TBR1: variants seen among roughly 807,000 people sequenced by gnomAD.
TBR1 encodes T-box brain transcription factor 1.
TBR1 carries 7 observed loss-of-function variants against 60.3 expected under a neutral mutation model. The ratio of observed to expected loss-of-function variants is 0.12; its 90% CI spans 0.07 to 0.22. The LOEUF (loss-of-function observed/expected upper bound fraction) is 0.22. Among genes scored for constraint, TBR1 ranks in the 10% least tolerant of loss-of-function variants. The pLI is 1.00. For synonymous variants in TBR1, 417 were observed against 409.9 expected (o/e 1.02, Z -0.21); for missense variants, 616 against 936.8 (o/e 0.66, Z 4.47).
rs964796945 is a variant in TBR1 at position 161,418,092 on chromosome 2, GTGTA to G, written c.848-105_848-102del. The stretch of plus-strand genomic sequence containing the variant: ...TGGGCTTCATGGTGGAGTAAGGTGT[GTGTA>G]TGTGTGTGTGTGTGTGTGTGTGTGT... On this transcript the variant is annotated intron_variant, in intron 2 of 5. Transcript: ENST00000389554. The G allele has an allele frequency of 2.4e-5, 34 of 1,436,766 alleles. No individual in the cohort carries two copies. In the African/African-American group the frequency reaches 4.7e-4, roughly 20 times the overall value. The allele number at this position is 1,436,766 out of a possible 1,614,324, so 89.0% of individuals were successfully genotyped here. A position where few individuals can be genotyped will look rare whatever the true frequency, so the allele number is the denominator to read the frequency against.
In TBR1 at chr2:161,423,854, G is replaced by A; in HGVS notation, c.1676G>A (p.Gly559Asp). Residue 559 changes from glycine to aspartate, a missense_variant, in exon 6 of 6, where the codon GGC becomes GAC. Gly to Asp is a moderately conservative substitution (Grantham distance 94). Transcript: ENST00000389554. ...CCGCAGTACTGCGGCACCAAGTCGGGCTCGGTGCTGCCCTGCTGGCCCAAC... is the reference window on the plus strand; with the variant it reads ...CCGCAGTACTGCGGCACCAAGTCGGACTCGGTGCTGCCCTGCTGGCCCAAC... ...SPPQYCGTKS[G>D]SVLPCWPNSA... The A allele has an allele frequency of 6.8e-7, 1 of 1,461,880 alleles. No homozygotes were observed. The highest frequency in any genetic ancestry group is 9.0e-7 in the Non-Finnish European group (1 of 1,108,666). 90.6% of individuals were successfully genotyped at this position (1,461,880 alleles called of 1,614,324 possible).
chr2:161,422,170 T>G (rs1684242820), intron 5 of TBR1: 1 of 152,230 alleles, frequency 6.6e-6, no homozygotes, highest in Non-Finnish European at 1.5e-5. Flanking sequence ...ACTGAGGCTC[T>G]CCTTCAAAAC....
intron 5 of TBR1, 60 bp from the exon 6 acceptor site, chr2:161,423,309 C>G: frequency 9.9e-7 from 1 of 1,011,576 alleles, no homozygotes; most frequent in Admixed American, 3.0e-5. Flanking sequence ...CCCCCACCCC[C>G]ACCCCAAGGG....
chr2:161,421,147 C>T (rs1684225577), intron 5 of TBR1: 1 of 152,244 alleles, frequency 6.6e-6, no homozygotes, highest in African/African-American at 2.4e-5. Flanking sequence ...GGGGTTCCCC[C>T]ACGTTTTCTG....
In TBR1 at chr2:161,416,371, A is replaced by C; in HGVS notation, c.-40A>C. ...TAGTTTATGATAAATAGGACTTTAA[A>C]AACCAGGGACGGGAGGGCGAGTGTT... is the stretch of plus-strand genomic sequence containing the variant. On this transcript the variant is annotated 5_prime_UTR_variant, in exon 1 of 6. Transcript: ENST00000389554. The surrounding 1 kb of genome is among the most constrained non-coding windows in gnomAD (Gnocchi z 6.1). The C allele has an allele frequency of 6.7e-7, 1 of 1,497,240 alleles. No homozygotes were observed. Among genetic ancestry groups the C allele is most frequent in the Non-Finnish European group, 9.0e-7 (1 of 1,113,314 alleles). 92.7% of individuals were successfully genotyped at this position (1,497,240 alleles called of 1,614,324 possible). A position where few individuals can be genotyped will look rare whatever the true frequency, so the allele number is the denominator to read the frequency against.
chr2:161,417,004 G>C lies in TBR1; in HGVS notation c.594G>C (p.Gly198=). ...PFYQFSSTQP[G]LVPGKAQVYL... ...ACCAGTTCTCCTCCACCCAGCCGGGGCTGGTGCCCGGCAAAGCACAGGTGT... is the reference window on the plus strand; with the variant it reads ...ACCAGTTCTCCTCCACCCAGCCGGGCCTGGTGCCCGGCAAAGCACAGGTGT... Residue 198 remains glycine, a synonymous_variant, in exon 1 of 6, where the codon GGG becomes GGC. Coordinates refer to ENST00000389554, the MANE Select transcript of TBR1 (RefSeq NM_006593.4). The surrounding 1 kb of genome is among the most constrained non-coding windows in gnomAD (Gnocchi z 5.3). 6.2e-7 allele frequency: 1 copy of C among 1,614,176 alleles called. No homozygotes were observed. Among genetic ancestry groups the C allele is most frequent in the South Asian group, 1.1e-5 (1 of 91,088 alleles).
At chr2:161,418,622 A>T (rs1319328745) in intron 3 of TBR1, 1 of 549,152 alleles carries the variant, frequency 1.8e-6, no homozygotes, top group Non-Finnish European at 3.1e-6. Context: ...TCCTCCTTAC[A>T]GGAGGACTAG....
At chr2:161,422,205 A>C (rs1684243818) in intron 5 of TBR1, 1 of 152,232 alleles carries the variant, frequency 6.6e-6, no homozygotes, top group Non-Finnish European at 1.5e-5. Context: ...AGATTAAAAC[A>C]TTTATGTGTG....
At chr2:161,422,632 G>A (rs1013541217) in intron 5 of TBR1, 7 of 152,222 alleles carry the variant, frequency 4.6e-5, no homozygotes, top group Admixed American at 3.3e-4. Flanking sequence ...TTTCTCTTAA[G>A]AGAATATTTC....
At chr2:161,419,919 T>C (rs1401349299) in intron 4 of TBR1, 5 of 224,816 alleles carry the variant, frequency 2.2e-5, no homozygotes, top group Admixed American at 1.1e-4. Flanking sequence ...ATTTTTAAAA[T>C]GTGAGTTTGA....
In TBR1 at chr2:161,416,555, A is replaced by C. The variant is rs376447579; in HGVS notation, c.145A>C (p.Ser49Arg). 1.9e-6 allele frequency: 3 copies of C among 1,614,134 alleles called. No homozygotes were observed. The highest frequency in any genetic ancestry group is 2.5e-6 in the Non-Finnish European group (3 of 1,180,020). Reference sequence around the variant, plus strand: ...CTCGACCACTGACAACCTGGAGAGAAGTTCACCTTTGAAAAAAATTACCAG... The same window carrying C: ...CTCGACCACTGACAACCTGGAGAGACGTTCACCTTTGAAAAAAATTACCAG... Reference protein sequence around the residue: ...IISTTDNLERSSPLKKITRGM... With the variant: ...IISTTDNLERRSPLKKITRGM... Residue 49 changes from serine to arginine, a missense_variant, in exon 1 of 6, where the codon AGT becomes CGT. By Grantham distance (110) the Ser-to-Arg change is moderately radical. Coordinates refer to ENST00000389554, the MANE Select transcript of TBR1 (RefSeq NM_006593.4). This position sits in a 1 kb window ranked among gnomAD's most constrained non-coding sequence, Gnocchi z 6.1.
Position 161,418,946 on chromosome 2 carries a change from G to C in TBR1, c.1024G>C (p.Val342Leu). The C allele has an allele frequency of 6.2e-7, 1 of 1,614,242 alleles. No individual in the cohort carries two copies. The highest frequency in any genetic ancestry group is 8.5e-7 in the Non-Finnish European group (1 of 1,180,046). ...KYQPRLHVVE[V>L]NEDGTEDTSQ... The stretch of plus-strand genomic sequence containing the variant: ...CCAGCCCCGCCTGCATGTGGTGGAA[G>C]TGAACGAGGACGGCACGGAGGACAC... Residue 342 changes from valine (V) to leucine (L), a missense_variant, in exon 4 of 6, where the codon GTG becomes CTG. Physicochemically the swap from Val to Leu is conservative, Grantham distance 32. Around this residue, in one of 8 missense-constraint regions of TBR1, gnomAD observed 85 missense variants for 164.9 expected, o/e 0.52. Transcript: ENST00000389554.
intron 4 of TBR1, chr2:161,419,586 CT>C (rs1408686806): frequency 6.5e-6 from 1 of 153,380 alleles, no homozygotes; most frequent in Non-Finnish European, 1.4e-5. Flanking sequence ...TTACTGAGGG[CT>C]ATGGATTGAG....
In TBR1 at chr2:161,418,912, G is replaced by A; in HGVS notation, c.990G>A (p.Leu330=). The A allele has an allele frequency of 1.2e-6, 2 of 1,614,002 alleles. No homozygotes were observed. Among genetic ancestry groups the A allele is most frequent in the African/African-American group, 1.3e-5 (1 of 75,034 alleles). Residue 330 remains leucine (L), a synonymous_variant, in exon 4 of 6, where the codon TTG becomes TTA. Transcript: ENST00000389554. ...NNGQMVVLQS[L]HKYQPRLHVV... is the part of the protein sequence containing the mutation. Reference sequence around the variant, plus strand: ...GACAGATGGTGGTTTTACAGTCCTTGCACAAGTACCAGCCCCGCCTGCATG... The same window carrying A: ...GACAGATGGTGGTTTTACAGTCCTTACACAAGTACCAGCCCCGCCTGCATG...
rs1298957519 is a variant in TBR1, at chr2:161,417,185, G to A, written c.692+83G>A. 3 of 1,424,816 alleles carry A rather than the reference G, an allele frequency of 2.1e-6. No homozygotes were observed. The highest frequency in any genetic ancestry group is 1.9e-6 in the Non-Finnish European group (2 of 1,060,958). The allele number at this position is 1,424,816 out of a possible 1,614,324, so 88.3% of individuals were successfully genotyped here. A position where few individuals can be genotyped will look rare whatever the true frequency, so the allele number is the denominator to read the frequency against. ...AGGCTGTGACTGCCGCGGCAGCGAC[G>A]ATTTGGGGTCGGGAGCGGAGTGGAA... On this transcript the variant is annotated intron_variant, in intron 1 of 5. Coordinates refer to ENST00000389554, the MANE Select transcript of TBR1 (RefSeq NM_006593.4). The surrounding 1 kb of genome is among the most constrained non-coding windows in gnomAD (Gnocchi z 5.3).
At chr2:161,419,073 GGC>G (rs777581482) in intron 4 of TBR1, 23 bp downstream of exon 4, 1 of 1,613,556 alleles carries the variant, frequency 6.2e-7, no homozygotes, top group Non-Finnish European at 8.5e-7. Context: ...AGGGGCTGGG[GGC>G]GAGGCGGGCG....
chr2:161,419,005 C>T lies in TBR1; in HGVS notation c.1083C>T (p.Phe361=). ...SQPGRVQTFT[F]PETQFIAVTA... ...CCGGCCGCGTGCAGACGTTCACTTT[C>T]CCTGAGACTCAGTTCATCGCCGTCA... Residue 361 remains phenylalanine, a synonymous_variant, in exon 4 of 6, where the codon TTC becomes TTT. Coordinates refer to ENST00000389554, the MANE Select transcript of TBR1 (RefSeq NM_006593.4). 1 of 1,614,218 alleles carries T rather than the reference C, an allele frequency of 6.2e-7. No individual in the cohort carries two copies. The highest frequency in any genetic ancestry group is 1.3e-5 in the African/African-American group (1 of 75,058).
chr2:161,416,836 T>G lies in TBR1; in HGVS notation c.426T>G (p.Pro142=). The change falls in exon 1 of 6, where the codon CCT becomes CCG. Residue 142 remains proline, a synonymous_variant. Transcript: ENST00000389554. The surrounding 1 kb of genome is among the most constrained non-coding windows in gnomAD (Gnocchi z 6.1). ...PAHPAFSIGS[P]SRYMAHHPVI... ...ACCCCGCCTTCTCCATCGGCAGCCCTAGCCGCTACATGGCCCACCACCCGG... is the reference window on the plus strand; with the variant it reads ...ACCCCGCCTTCTCCATCGGCAGCCCGAGCCGCTACATGGCCCACCACCCGG... 2 of 1,613,992 alleles carry G rather than the reference T, an allele frequency of 1.2e-6. No homozygotes were observed. The highest frequency in any genetic ancestry group is 1.7e-6 in the Non-Finnish European group (2 of 1,180,002).
At chr2:161,419,341 T>A (rs1244123269) in intron 4 of TBR1, 1 of 373,516 alleles carries the variant, frequency 2.7e-6, no homozygotes, top group Non-Finnish European at 4.8e-6. Flanking sequence ...AATTTGGGCT[T>A]TGAACTAGAA....
Sources: allele counts gnomAD v4.1 joint callset, GRCh38; gene constraint gnomAD v4.1.1; regional missense constraint gnomAD v4.1.1; non-coding constraint Gnocchi (gnomAD v3.1); transcripts MANE v1.5; gene names NCBI Gene and HGNC (gene_info 2026-07-23, HGNC 2026-07-21).